LGR5: variants seen among roughly 807,000 people sequenced by gnomAD.
The protein encoded by LGR5 is leucine-rich repeat-containing G protein-coupled receptor 5.
In LGR5, 54 loss-of-function variants were observed where a neutral mutation model predicts 76.7. The ratio of observed to expected loss-of-function variants is 0.70; its 90% CI spans 0.57 to 0.88. The LOEUF (loss-of-function observed/expected upper bound fraction) is 0.88, where lower values mean the gene tolerates loss of function less well. LGR5 is among the 40% of genes least tolerant of loss of function. LGR5 has a pLI of 0.00. For missense variants in LGR5, 1,078 were observed against 1,073.3 expected, an observed-to-expected ratio of 1.00 and a Z score of -0.06; for synonymous variants, 406 against 421.9, an observed-to-expected ratio of 0.96 and a Z score of 0.46.
At chr12:71,531,417 G>T (rs966599653) in intron 3 of LGR5, among the ~76,000 whole-genome samples, 1 of 152,132 alleles carries the variant, frequency 6.6e-6, no homozygotes, top group Non-Finnish European at 1.5e-5. Context: ...ACTTGCTCTT[G>T]TTTTGTCATT....
At chr12:71,455,475 A>G (rs1381378070) in intron 1 of LGR5, among the ~76,000 whole-genome samples, 1 of 152,004 alleles carries the variant, frequency 6.6e-6, no homozygotes, top group Non-Finnish European at 1.5e-5. Context: ...AACATTGTTT[A>G]CTCTCCTGCC....
At chr12:71,475,283 A>G (rs1019038000) in intron 1 of LGR5, among the ~76,000 whole-genome samples, 2 of 152,206 alleles carry the variant, frequency 1.3e-5, no homozygotes, top group African/African-American at 4.8e-5. Context: ...ATACTATACA[A>G]TCTCCAAAAT....
In LGR5 at chr12:71,501,155, C is replaced by G. The variant is rs182364932; in HGVS notation, c.213-3459C>G. On this transcript the variant is annotated intron_variant, in intron 1 of 17. Coordinates refer to ENST00000266674, the MANE Select transcript of LGR5 (RefSeq NM_003667.4). ...CACAGGCTTGGAAATTATTTTAAGA[C>G]CCCCTCATTTGCTGCTAAGGTTATG... Among the ~76,000 whole-genome samples the G allele has an allele frequency of 2.7e-3, 406 of 152,112 alleles. 1 individual carries two copies. The highest frequency in any genetic ancestry group is 6.8e-3 in the Middle Eastern group (2 of 294).
At chr12:71,547,957 T>C (rs1447365110) in intron 4 of LGR5, among the ~76,000 whole-genome samples, 1 of 151,026 alleles carries the variant, frequency 6.6e-6, no homozygotes, top group Non-Finnish European at 1.5e-5. Context: ...ATATACTATA[T>C]ACTATAAACT....
chr12:71,560,229 C>A (rs1252264084), intron 7 of LGR5, among the ~76,000 whole-genome samples: 1 of 151,980 alleles, frequency 6.6e-6, no homozygotes, highest in Non-Finnish European at 1.5e-5. Context: ...GAAGCCTTAT[C>A]AATAATATAA....
intron 11 of LGR5, among the ~76,000 whole-genome samples, chr12:71,570,063 A>C (rs538939943): frequency 3.3e-5 from 5 of 152,210 alleles, no homozygotes; most frequent in Non-Finnish European, 5.9e-5. Context: ...CAGGAACAGA[A>C]ACCAAACATT....
Position 71,439,982 on chromosome 12 carries a change from G to A in LGR5, c.-99G>A, listed in dbSNP as rs897641474. The A allele has an allele frequency of 3.5e-6, 4 of 1,134,674 alleles. No homozygotes were observed. In the African/African-American group the frequency reaches 6.4e-5, roughly 18 times the overall value. The allele number at this position is 1,134,674 out of a possible 1,614,324, so 70.3% of individuals were successfully genotyped here. A position where few individuals can be genotyped will look rare whatever the true frequency, so the allele number is the denominator to read the frequency against. ...TGGCGCTGCAGACGCCCGCTGAGTTGCAGAAGCCCACGGAGCGGCGCCCGG... is the reference window on the plus strand; with the variant it reads ...TGGCGCTGCAGACGCCCGCTGAGTTACAGAAGCCCACGGAGCGGCGCCCGG... On this transcript the variant is annotated 5_prime_UTR_variant, in exon 1 of 18. Coordinates refer to ENST00000266674, the MANE Select transcript of LGR5 (RefSeq NM_003667.4).
At chr12:71,499,242 T>C (rs548077823) in intron 1 of LGR5, among the ~76,000 whole-genome samples, 6 of 152,188 alleles carry the variant, frequency 3.9e-5, no homozygotes, top group Non-Finnish European at 5.9e-5. Flanking sequence ...AGATGAGCTT[T>C]GATACAGGAT....
At chr12:71,581,597 T>C (rs1460206700) in intron 16 of LGR5, among the ~76,000 whole-genome samples, 1 of 152,266 alleles carries the variant, frequency 6.6e-6, no homozygotes, top group Non-Finnish European at 1.5e-5. Context: ...TTTTTTGTTT[T>C]AGGCCACAGC....
chr12:71,568,022 G>T (rs1878434789), intron 11 of LGR5, among the ~76,000 whole-genome samples: 1 of 152,048 alleles, frequency 6.6e-6, no homozygotes, highest in South Asian at 2.1e-4. Context: ...AATTTGGGGG[G>T]CCATGTTAGA....
At chr12:71,506,919 C>T (rs917653590) in intron 2 of LGR5, among the ~76,000 whole-genome samples, 6 of 151,964 alleles carry the variant, frequency 3.9e-5, no homozygotes, top group South Asian at 2.1e-4. Context: ...TAAAAAATAT[C>T]CCTTTAACAG....
chr12:71,442,768 C>A (rs565888713), intron 1 of LGR5, among the ~76,000 whole-genome samples: 35 of 152,222 alleles, frequency 2.3e-4, no homozygotes, highest in Admixed American at 7.8e-4. Flanking sequence ...TAGATGATGC[C>A]CTCTTTTGGT....
chr12:71,578,783 T>C, intron 14 of LGR5, 21 bp from the exon 15 acceptor site: 6 of 1,584,790 alleles, frequency 3.8e-6, no homozygotes, highest in Non-Finnish European at 5.1e-6. Context: ...TAAAAGCCAA[T>C]TGTTGTTTGA....
At chr12:71,498,879 A>G (rs1375563570) in intron 1 of LGR5, among the ~76,000 whole-genome samples, 1 of 152,216 alleles carries the variant, frequency 6.6e-6, no homozygotes, top group Non-Finnish European at 1.5e-5. Flanking sequence ...CAGGTGCCCC[A>G]TGGGCATGAT....
intron 8 of LGR5, among the ~76,000 whole-genome samples, chr12:71,564,535 T>C (rs889590996): frequency 1.3e-4 from 3 of 22,714 alleles, no homozygotes; most frequent in Non-Finnish European, 2.7e-4. Context: ...CGTGTATATA[T>C]GCATATATAC....
chr12:71,461,148 T>C (rs1391543074), intron 1 of LGR5, among the ~76,000 whole-genome samples: 1 of 152,186 alleles, frequency 6.6e-6, no homozygotes, highest in African/African-American at 2.4e-5. Flanking sequence ...AGGCTTCTGA[T>C]GACCTATGTG....
rs760525235 is a variant in LGR5 at position 71,582,442 on chromosome 12, T to G, written c.1553-14T>G. 1.2e-6 allele frequency: 2 copies of G among 1,611,978 alleles called. No individual in the cohort carries two copies. Among genetic ancestry groups the G allele is most frequent in the Admixed American group, 3.3e-5 (2 of 60,018 alleles). On this transcript the variant is annotated splice_polypyrimidine_tract_variant and intron_variant, in intron 16 of 17. Transcript: ENST00000266674. ...GAGTCAGAACTAATCATTCCAGGAC[T>G]TCTTGTGCTGCAGATGAACGTGACC...
At chr12:71,540,992 G>C (rs1167698635) in intron 4 of LGR5, among the ~76,000 whole-genome samples, 1 of 152,160 alleles carries the variant, frequency 6.6e-6, no homozygotes, top group Non-Finnish European at 1.5e-5. Context: ...CTTCACAAAA[G>C]TGCCAGGGTA....
chr12:71,515,765 T>C (rs940054755), intron 2 of LGR5, among the ~76,000 whole-genome samples: 8 of 152,228 alleles, frequency 5.3e-5, no homozygotes, highest in African/African-American at 1.9e-4. Context: ...CGGCAATTTC[T>C]AGGAGCCAGC....
Sources: gnomAD v4.1 joint callset for allele counts (sites outside exome capture counted in the v4.1 genomes callset) on GRCh38, gnomAD v4.1.1 for gene constraint, MANE v1.5 for transcripts, NCBI Gene and HGNC (gene_info 2026-07-23, HGNC 2026-07-21) for gene names.